Variants in MYO9A observed in about 807,000 individuals in gnomAD.
The protein encoded by MYO9A is myosin IXA.
Under a neutral mutation model 293.3 loss-of-function variants are expected in MYO9A, and 103 were observed. The ratio of observed to expected loss-of-function variants is 0.35; its 90% CI spans 0.30 to 0.41. The LOEUF is 0.41. MYO9A is among the 10% of genes least tolerant of loss of function. MYO9A has a pLI of 1.00. For synonymous variants in MYO9A, 1,001 were observed against 1,035.7 expected, an observed-to-expected ratio of 0.97 and a Z score of 0.64; for missense variants, 2,685 against 3,033.0, an observed-to-expected ratio of 0.89 and a Z score of 2.69.
At chr15:71,916,643 T>C in intron 18 of MYO9A, 151 bp from the exon 19 acceptor site, 1 of 733,530 alleles carries the variant, frequency 1.4e-6, no homozygotes, top group Non-Finnish European at 2.1e-6. Flanking sequence ...CAACATTCAT[T>C]CTATTCTCCT....
chr15:72,047,802 G>T (rs1235962700), intron 1 of MYO9A, among the ~76,000 whole-genome samples: 1 of 69,964 alleles, frequency 1.4e-5, no homozygotes. Context: ...TTTTGAGACA[G>T]GGTCTTGTTC....
At chr15:71,870,120 C>CT (rs1273918523) in intron 32 of MYO9A, among the ~76,000 whole-genome samples, 1 of 151,950 alleles carries the variant, frequency 6.6e-6, no homozygotes, top group African/African-American at 2.4e-5. Flanking sequence ...CTCTCTTGTC[C>CT]TTTTTTCTGT....
At chr15:71,929,779 G>T (rs1359859669) in intron 18 of MYO9A, among the ~76,000 whole-genome samples, 1 of 152,142 alleles carries the variant, frequency 6.6e-6, no homozygotes, top group Non-Finnish European at 1.5e-5. Flanking sequence ...TGTGTTTTTG[G>T]TAGAACAATT....
Position 71,936,261 on chromosome 15 carries a change from T to C in MYO9A, c.2379-777A>G, listed in dbSNP as rs192006311. ...ACCCCACTCGTATGTGGAATCTAAATAAGCTGCTCTCACAGAAGTACTGAA... is the reference window on the plus strand; with the variant it reads ...ACCCCACTCGTATGTGGAATCTAAACAAGCTGCTCTCACAGAAGTACTGAA... On this transcript the variant is annotated intron_variant, in intron 16 of 41. Transcript: ENST00000356056. 7.9e-5 allele frequency among the ~76,000 whole-genome samples: 12 copies of C among 152,154 alleles called. No individual in the cohort carries two copies. In the East Asian group the frequency reaches 2.3e-3, roughly 29 times the overall value.
chr15:72,009,068 A>T (rs530806150), intron 7 of MYO9A, among the ~76,000 whole-genome samples: 16 of 152,354 alleles, frequency 1.1e-4, no homozygotes, highest in African/African-American at 3.6e-4. Context: ...CTCACAGGAA[A>T]TACAAGTCTA....
Position 71,827,991 on chromosome 15 carries a change from G to A in MYO9A, c.7076C>T (p.Pro2359Leu). ...AAGGGTTTCATCATCAGAGGCACGG[G>A]GTTCCAGTACAAGCATCTCAAATGT... ...ELTFEMLVLEPRASDDETLES... is the reference protein window; with the variant it reads ...ELTFEMLVLELRASDDETLES... The change falls in exon 41 of 42, where the codon CCC (proline) becomes CTC (leucine). Residue 2359 changes from proline to leucine, a missense_variant. Coordinates refer to ENST00000356056, the MANE Select transcript of MYO9A (RefSeq NM_006901.4). 1 of 1,613,692 alleles carries A rather than the reference G, an allele frequency of 6.2e-7. No individual in the cohort carries two copies. The highest frequency in any genetic ancestry group is 8.5e-7 in the Non-Finnish European group (1 of 1,179,756).
intron 15 of MYO9A, among the ~76,000 whole-genome samples, chr15:71,945,994 C>T (rs2058908697): frequency 6.6e-6 from 1 of 152,092 alleles, no homozygotes; most frequent in South Asian, 2.1e-4. Context: ...TCATATGTGG[C>T]TTTCTTTTTA....
In MYO9A at chr15:72,094,745, C is replaced by T. The variant is rs982290121; in HGVS notation, c.-72+22935G>A. 1.4e-4 allele frequency among the ~76,000 whole-genome samples: 13 copies of T among 91,288 alleles called. 6 individuals carry two copies. The highest frequency in any genetic ancestry group is 3.6e-4 in the Admixed American group (3 of 8,330). The allele number at this position is 91,288 out of a possible 152,430, so 59.9% of individuals were successfully genotyped here. The stretch of plus-strand genomic sequence containing the variant: ...CTGAGTCTAGTCTCAAACTCCTGGC[C>T]TTAAAGCAAACCTCTCACCTCAGCC... On this transcript the variant is annotated intron_variant, in intron 1 of 41. Transcript: ENST00000356056.
At chr15:71,936,003 CAT>C (rs1360143140) in intron 16 of MYO9A, among the ~76,000 whole-genome samples, 2 of 151,686 alleles carry the variant, frequency 1.3e-5, no homozygotes, top group Non-Finnish European at 2.9e-5. Context: ...ATGAACAAAA[CAT>C]AACACTATCA....
intron 7 of MYO9A, among the ~76,000 whole-genome samples, chr15:72,009,805 G>A (rs990064756): frequency 6.6e-6 from 1 of 152,128 alleles, no homozygotes; most frequent in African/African-American, 2.4e-5. Flanking sequence ...TTTCTGGTGA[G>A]AGCCAAGGTT....
At chr15:71,842,624 C>T (rs1424885783) in intron 39 of MYO9A, among the ~76,000 whole-genome samples, 1 of 152,044 alleles carries the variant, frequency 6.6e-6, no homozygotes, top group East Asian at 1.9e-4. Flanking sequence ...TTTTGGGAGG[C>T]TGAGACGGGC....
chr15:71,922,916 C>T (rs563408119), intron 18 of MYO9A, among the ~76,000 whole-genome samples: 1 of 151,834 alleles, frequency 6.6e-6, no homozygotes, highest in South Asian at 2.1e-4. Flanking sequence ...ACTTCCAGTA[C>T]TATGTTGAAT....
intron 1 of MYO9A, among the ~76,000 whole-genome samples, chr15:72,079,339 T>C (rs1296578076): frequency 6.6e-6 from 1 of 152,070 alleles, no homozygotes; most frequent in African/African-American, 2.4e-5. Flanking sequence ...ATAAAGTATA[T>C]TAATTAAAAT....
intron 11 of MYO9A, among the ~76,000 whole-genome samples, chr15:71,989,885 T>C (rs543016042): frequency 4.6e-5 from 7 of 151,682 alleles, no homozygotes; most frequent in Admixed American, 1.3e-4. Flanking sequence ...CAAAAATTAG[T>C]TGGGTGTGGT....
chr15:72,016,195 T>C (rs2077332873), intron 6 of MYO9A, among the ~76,000 whole-genome samples: 1 of 152,080 alleles, frequency 6.6e-6, no homozygotes, highest in Admixed American at 6.5e-5. Context: ...CATGAGTTAC[T>C]AAAACCTCAG....
In MYO9A at chr15:71,930,173, G is replaced by A. The variant is rs1315254181; in HGVS notation, c.2562+3497C>T. On this transcript the variant is annotated intron_variant, in intron 18 of 41. Transcript: ENST00000356056. The stretch of plus-strand genomic sequence containing the variant: ...TATGCTTCAGACGAATGTGTATTCT[G>A]CTGCTGTTGACTGAAATGTTCTGTA... Among the ~76,000 whole-genome samples the A allele has an allele frequency of 2.6e-5, 4 of 152,128 alleles. No individual in the cohort carries two copies. In the East Asian group the frequency reaches 5.8e-4, roughly 22 times the overall value.
chr15:71,900,485 C>T (rs2057453584), intron 23 of MYO9A, among the ~76,000 whole-genome samples: 1 of 151,842 alleles, frequency 6.6e-6, no homozygotes, highest in Admixed American at 6.6e-5. Flanking sequence ...AGAAAGTGTA[C>T]CTGAAAAAGA....
Position 71,960,112 on chromosome 15 carries a change from A to G in MYO9A, c.1987-16T>C. 6.2e-7 allele frequency: 1 copy of G among 1,611,596 alleles called. No homozygotes were observed. Among genetic ancestry groups the G allele is most frequent in the Non-Finnish European group, 8.5e-7 (1 of 1,178,334 alleles). On this transcript the variant is annotated splice_polypyrimidine_tract_variant and intron_variant, in intron 13 of 41. Transcript: ENST00000356056. Reference sequence around the variant, plus strand: ...CCCGGAAATCCTATATGAAAAAAGTACCAGTGTTACTTATGGGAAAAAAAA... The same window carrying G: ...CCCGGAAATCCTATATGAAAAAAGTGCCAGTGTTACTTATGGGAAAAAAAA...
At position 71,898,012 on chromosome 15, in the gene MYO9A, C is replaced by T; in HGVS notation, c.4491G>A (p.Lys1497=). ...LKKLEKLNTE[K]EERQKQLQQQ... is the part of the protein sequence containing the mutation. ...GCTGCAACTGTTTTTGCCTTTCTTC[C>T]TTCTCAGTGTTTAGCTTTTCTAACT... The change falls in exon 25 of 42, where the codon AAG becomes AAA. Residue 1497 remains lysine (K), a synonymous_variant. Transcript: ENST00000356056. 1.9e-6 allele frequency: 3 copies of T among 1,614,060 alleles called. No homozygotes were observed. Among genetic ancestry groups the T allele is most frequent in the Non-Finnish European group, 2.5e-6 (3 of 1,180,010 alleles).
Sources: allele counts gnomAD v4.1 joint callset (sites outside exome capture counted in the v4.1 genomes callset), GRCh38; gene constraint gnomAD v4.1.1; transcripts MANE v1.5; gene names NCBI Gene and HGNC (gene_info 2026-07-23, HGNC 2026-07-21).